Variants in IL1RAPL1 observed in about 807,000 individuals in gnomAD.
The protein encoded by IL1RAPL1 is interleukin-1 receptor accessory protein-like 1.
Under a neutral mutation model 48.4 loss-of-function variants are expected in IL1RAPL1, and 3 were observed. The ratio of observed to expected loss-of-function variants is 0.06; its 90% CI spans 0.03 to 0.16. IL1RAPL1 has a LOEUF of 0.16. Among genes scored for constraint, IL1RAPL1 ranks in the 10% least tolerant of loss-of-function variants. IL1RAPL1 has a pLI of 1.00. For synonymous variants in IL1RAPL1, 185 were observed against 187.7 expected, an observed-to-expected ratio of 0.99 and a Z score of 0.12; for missense variants, 349 against 530.6, an observed-to-expected ratio of 0.66 and a Z score of 3.36.
At chrX:29,372,047 G>A (rs1483719588) in intron 3 of IL1RAPL1, among the ~76,000 whole-genome samples, 2 of 112,315 alleles carry the variant, frequency 1.8e-5, no homozygotes, top group African/African-American at 6.5e-5. Flanking sequence ...CACCAAAAGT[G>A]CACAAGAGTT....
At chrX:29,360,816 G>T (rs1370371563) in intron 3 of IL1RAPL1, among the ~76,000 whole-genome samples, 1 of 111,407 alleles carries the variant, frequency 9.0e-6, no homozygotes, top group Non-Finnish European at 1.9e-5. Context: ...TGAATATGTG[G>T]AATTACTATA....
At chrX:29,116,300 A>G (rs1928677575) in intron 2 of IL1RAPL1, among the ~76,000 whole-genome samples, 1 of 110,808 alleles carries the variant, frequency 9.0e-6, no homozygotes, top group Non-Finnish European at 1.9e-5. Context: ...AATCTGATGC[A>G]GTCAAAAAAG....
At chrX:29,377,137 T>C (rs1225680055) in intron 3 of IL1RAPL1, among the ~76,000 whole-genome samples, 3 of 112,389 alleles carry the variant, frequency 2.7e-5, no homozygotes, top group Non-Finnish European at 5.6e-5. Flanking sequence ...TTTATTGTTA[T>C]TGGTTTAAAA....
intron 1 of IL1RAPL1, among the ~76,000 whole-genome samples, chrX:28,693,977 T>A (rs1935204729): frequency 8.9e-6 from 1 of 112,096 alleles, no homozygotes; most frequent in Non-Finnish European, 1.9e-5. Flanking sequence ...TGTCAGGGCT[T>A]CTGGGTTAGT....
chrX:29,750,109 A>T (rs1928422789), intron 6 of IL1RAPL1, among the ~76,000 whole-genome samples: 1 of 111,865 alleles, frequency 8.9e-6, no homozygotes, highest in Admixed American at 9.6e-5. Context: ...CCTTACCCAA[A>T]GAGCCTCCTT....
intron 6 of IL1RAPL1, among the ~76,000 whole-genome samples, chrX:29,822,409 G>T (rs1930642024): frequency 9.1e-6 from 1 of 110,262 alleles, no homozygotes; most frequent in Non-Finnish European, 1.9e-5. Flanking sequence ...TTATATAAAA[G>T]ACTTTAAACA....
chrX:29,060,074 G>C (rs1927308533), intron 2 of IL1RAPL1, among the ~76,000 whole-genome samples: 1 of 111,895 alleles, frequency 8.9e-6, no homozygotes, highest in Non-Finnish European at 1.9e-5. Flanking sequence ...CTAAAGTCTA[G>C]TTGTTCAAAT....
chrX:28,873,493 C>G (rs1280806051), intron 2 of IL1RAPL1, among the ~76,000 whole-genome samples: 1 of 93,999 alleles, frequency 1.1e-5, no homozygotes, highest in African/African-American at 3.8e-5. Flanking sequence ...AGCAGCACAT[C>G]TTTGTTCTCA....
chrX:28,631,193 CA>C (rs1468321860), intron 1 of IL1RAPL1, among the ~76,000 whole-genome samples: 1 of 111,649 alleles, frequency 9.0e-6, no homozygotes, highest in African/African-American at 3.3e-5. Flanking sequence ...CCCCATTGGT[CA>C]CAGGCTGCCC....
At chrX:29,296,787 G>C (rs1470097666) in intron 3 of IL1RAPL1, among the ~76,000 whole-genome samples, 9 of 111,247 alleles carry the variant, frequency 8.1e-5, no homozygotes, top group Non-Finnish European at 1.9e-5. Context: ...CCTTGCCCTG[G>C]AAATAATAGC....
At chrX:29,752,177 G>T (rs190211256) in intron 6 of IL1RAPL1, among the ~76,000 whole-genome samples, 1 of 100,811 alleles carries the variant, frequency 9.9e-6, no homozygotes, top group African/African-American at 3.6e-5. Context: ...AACACTGCTG[G>T]ATTTATATAT....
At chrX:29,429,582 A>G (rs16988538) in intron 5 of IL1RAPL1, among the ~76,000 whole-genome samples, 9,480 of 110,881 alleles carry the variant, frequency 0.085, 562 homozygotes, top group African/African-American at 0.21. Context: ...AGATATTTTC[A>G]GTGGTAGCAC....
intron 6 of IL1RAPL1, among the ~76,000 whole-genome samples, chrX:29,916,149 T>C (rs1435714289): frequency 1.0e-5 from 1 of 99,391 alleles, no homozygotes; most frequent in Non-Finnish European, 2.0e-5. Flanking sequence ...CAGTCTATCA[T>C]TGTTGGACAT....
intron 2 of IL1RAPL1, among the ~76,000 whole-genome samples, chrX:28,882,446 C>T (rs1369324241): frequency 8.9e-6 from 1 of 111,793 alleles, no homozygotes; most frequent in East Asian, 2.8e-4. Flanking sequence ...AGTTTGAGAC[C>T]AGCCTGGCCA....
At chrX:28,768,719 C>G (rs868783833) in intron 1 of IL1RAPL1, among the ~76,000 whole-genome samples, 115 of 64,134 alleles carry the variant, frequency 1.8e-3, no homozygotes, top group African/African-American at 5.6e-3. Context: ...CTCTCTCTCT[C>G]TCTCTCTCTG....
intron 2 of IL1RAPL1, among the ~76,000 whole-genome samples, chrX:28,992,223 G>T (rs1013756704): frequency 9.0e-6 from 1 of 111,381 alleles, no homozygotes; most frequent in African/African-American, 3.3e-5. Context: ...GGGTGCGGTG[G>T]CTCACACCTG....
chrX:29,258,710 T>A (rs1392251240), intron 2 of IL1RAPL1, among the ~76,000 whole-genome samples: 1 of 111,457 alleles, frequency 9.0e-6, no homozygotes, highest in Non-Finnish European at 1.9e-5. Context: ...ATTTATGGGC[T>A]ATATTAAGAA....
intron 2 of IL1RAPL1, among the ~76,000 whole-genome samples, chrX:28,903,424 CTTTTTTTT>C (rs199661606): frequency 0.45 from 44,758 of 99,989 alleles, 6,916 homozygotes; most frequent in Middle Eastern, 0.62. Flanking sequence ...TTCTTTCTTT[CTTTTTTTT>C]TTTTTTTTGT....
intron 5 of IL1RAPL1, among the ~76,000 whole-genome samples, chrX:29,407,690 A>G (rs1847393273): frequency 8.9e-6 from 1 of 111,982 alleles, no homozygotes; most frequent in South Asian, 3.6e-4. Flanking sequence ...AAAAGTATGT[A>G]TATTTTCAAA....
Sources: gnomAD v4.1 joint callset for allele counts (sites outside exome capture counted in the v4.1 genomes callset) on GRCh38, gnomAD v4.1.1 for gene constraint, MANE v1.5 for transcripts, NCBI Gene and HGNC (gene_info 2026-07-23, HGNC 2026-07-21) for gene names.